Variants in RARB observed in about 807,000 individuals in gnomAD.
RARB encodes the protein HBV-activated protein.
RARB carries 17 observed loss-of-function variants against 51.9 expected under a neutral mutation model. That is an observed-to-expected ratio of 0.33 (90% CI 0.22 to 0.49). The LOEUF (loss-of-function observed/expected upper bound fraction) is 0.49. Ranked by LOEUF, RARB falls within the 20% of genes least tolerant of loss-of-function variation. The probability of loss-of-function intolerance (pLI) is 0.99; values close to 1 mark genes in which losing one functional copy is unlikely to be tolerated. For missense variants in RARB, 369 were observed against 550.8 expected, an observed-to-expected ratio of 0.67 and a Z score of 3.30; for synonymous variants, 215 against 195.4, an observed-to-expected ratio of 1.10 and a Z score of -0.84.
intron 5 of RARB, among the ~76,000 whole-genome samples, chr3:25,375,119 T>TA (rs1475618692): frequency 6.6e-6 from 1 of 152,186 alleles, no homozygotes; most frequent in African/African-American, 2.4e-5. Flanking sequence ...AAAACTGTGT[T>TA]ACAGGAGATC....
intron 2 of RARB, among the ~76,000 whole-genome samples, chr3:24,888,998 C>T (rs2125362316): frequency 6.6e-6 from 1 of 152,172 alleles, no homozygotes; most frequent in Non-Finnish European, 1.5e-5. Context: ...TGTGAATTTC[C>T]TTCTTTAATT....
intron 3 of RARB, among the ~76,000 whole-genome samples, chr3:25,095,588 A>T (rs1286788322): frequency 6.6e-6 from 1 of 152,176 alleles, no homozygotes; most frequent in Non-Finnish European, 1.5e-5. Flanking sequence ...GTGGAGAAAT[A>T]TATTTAAACT....
rs185547386 is a variant in RARB at position 25,430,501 on chromosome 3, A to C, written c.157+1613A>C. 2.6e-3 allele frequency among the ~76,000 whole-genome samples: 395 copies of C among 152,304 alleles called. 1 individual carries two copies. Among genetic ancestry groups the C allele is most frequent in the African/African-American group, 8.9e-3 (371 of 41,548 alleles). Reference sequence around the variant, plus strand: ...CAGGATCCTCGCCAAAAGTTATTAGACCTAATAGAGTTTTTACATGTAGAC... The same window carrying C: ...CAGGATCCTCGCCAAAAGTTATTAGCCCTAATAGAGTTTTTACATGTAGAC... On this transcript the variant is annotated intron_variant, in intron 1 of 7. Coordinates refer to ENST00000330688, the MANE Select transcript of RARB (RefSeq NM_000965.5).
chr3:25,304,069 C>T (rs186741122), intron 5 of RARB, among the ~76,000 whole-genome samples: 1 of 152,264 alleles, frequency 6.6e-6, no homozygotes, highest in East Asian at 1.9e-4. Flanking sequence ...TACATGTACA[C>T]CTTTTCTTTG....
chr3:25,035,293 T>A (rs969932031), intron 2 of RARB, among the ~76,000 whole-genome samples: 2 of 152,096 alleles, frequency 1.3e-5, no homozygotes, highest in Non-Finnish European at 2.9e-5. Context: ...GGATAATTTT[T>A]GTATTTTCTA....
chr3:25,531,424 A>AT (rs201672105), intron 3 of RARB, among the ~76,000 whole-genome samples: 4 of 147,852 alleles, frequency 2.7e-5, no homozygotes, highest in Admixed American at 7.1e-5. Context: ...AGATAGATAG[A>AT]AGATAGATAG....
chr3:25,212,788 A>G (rs1304678631), intron 5 of RARB, among the ~76,000 whole-genome samples: 1 of 152,198 alleles, frequency 6.6e-6, no homozygotes, highest in African/African-American at 2.4e-5. Flanking sequence ...ATATATTACA[A>G]ACCTATGATT....
At chr3:25,157,912 C>CAAACACACCAG (rs11276564) in intron 4 of RARB, among the ~76,000 whole-genome samples, 94,136 of 151,524 alleles carry the variant, frequency 0.62, 29,485 homozygotes, top group Admixed American at 0.71. Flanking sequence ...AACTTTAAAT[C>CAAACACACCAG]AACTGATGCA....
intron 5 of RARB, among the ~76,000 whole-genome samples, chr3:25,407,702 C>T (rs1441605834): frequency 6.6e-6 from 1 of 152,124 alleles, no homozygotes; most frequent in Non-Finnish European, 1.5e-5. Context: ...TTTTACCCTC[C>T]CTTCTACATG....
chr3:25,344,886 T>A lies in RARB; in HGVS notation c.179-116307T>A, dbSNP rs542459457. Among the ~76,000 whole-genome samples, 24 of 152,268 alleles carry A rather than the reference T, an allele frequency of 1.6e-4. 1 individual carries two copies. The highest frequency in any genetic ancestry group is 6.2e-4 in the South Asian group (3 of 4,824). On this transcript the variant is annotated intron_variant, in intron 5 of 11. Transcript: ENST00000383772. The stretch of plus-strand genomic sequence containing the variant: ...TGTGGGAGCTAGAGAGAGTGGAAAG[T>A]TTTTAGGGCTTAAGCTTAAATTGTC...
At chr3:25,563,410 C>T (rs1177091844) in intron 3 of RARB, among the ~76,000 whole-genome samples, 1 of 152,152 alleles carries the variant, frequency 6.6e-6, no homozygotes, top group East Asian at 1.9e-4. Flanking sequence ...GACCTTTTTT[C>T]TCTGTATATT....
intron 2 of RARB, among the ~76,000 whole-genome samples, chr3:25,473,106 G>T (rs1337954079): frequency 1.3e-5 from 2 of 152,142 alleles, no homozygotes; most frequent in Non-Finnish European, 2.9e-5. Context: ...CCCTCTCATT[G>T]TCTTCTTGTC....
intron 3 of RARB, among the ~76,000 whole-genome samples, chr3:25,087,400 A>G (rs75462494): frequency 0.016 from 2,360 of 152,188 alleles, 61 homozygotes; most frequent in African/African-American, 0.054. Flanking sequence ...GTTAGGTGTA[A>G]TGGTTCAGAT....
intron 2 of RARB, among the ~76,000 whole-genome samples, chr3:24,881,890 T>C (rs1158282741): frequency 2.0e-5 from 3 of 152,178 alleles, no homozygotes; most frequent in Non-Finnish European, 4.4e-5. Flanking sequence ...TTTGAATGAA[T>C]TAGTGAAATT....
intron 2 of RARB, among the ~76,000 whole-genome samples, chr3:24,902,975 T>C (rs569152268): frequency 5.3e-4 from 81 of 152,112 alleles, no homozygotes; most frequent in Non-Finnish European, 1.1e-3. Flanking sequence ...CCTTTCAAAA[T>C]ATATTGAGAG....
chr3:25,213,204 C>A (rs144893554), intron 5 of RARB, among the ~76,000 whole-genome samples: 1 of 152,166 alleles, frequency 6.6e-6, no homozygotes, highest in Non-Finnish European at 1.5e-5. Flanking sequence ...ACCTGACGAG[C>A]ACCTTATTTT....
At chr3:24,918,053 A>G (rs909719379) in intron 2 of RARB, among the ~76,000 whole-genome samples, 2 of 152,220 alleles carry the variant, frequency 1.3e-5, no homozygotes, top group East Asian at 1.9e-4. Context: ...CTAGCATGCT[A>G]TGCAAACGAA....
At chr3:24,863,935 T>C (rs967408087) in intron 2 of RARB, among the ~76,000 whole-genome samples, 3 of 152,022 alleles carry the variant, frequency 2.0e-5, no homozygotes, top group Non-Finnish European at 4.4e-5. Context: ...GGCCCGCCCC[T>C]CCCTGAGGCT....
chr3:25,307,166 C>T (rs1033212100), intron 5 of RARB, among the ~76,000 whole-genome samples: 4 of 151,952 alleles, frequency 2.6e-5, no homozygotes, highest in East Asian at 1.9e-4. Flanking sequence ...AATTGAGAAC[C>T]GGAGTTCAAG....
Sources: gnomAD v4.1 joint callset for allele counts (sites outside exome capture counted in the v4.1 genomes callset) on GRCh38, gnomAD v4.1.1 for gene constraint, MANE v1.5 for transcripts, NCBI Gene and HGNC (gene_info 2026-07-23, HGNC 2026-07-21) for gene names.